The following PWWP3B variants were observed in gnomAD, a reference collection of about 807,000 sequenced individuals.
PWWP3B encodes PWWP domain-containing DNA repair factor 3B.
In PWWP3B, 5 loss-of-function variants were observed where a neutral mutation model predicts 15.7. The ratio of observed to expected loss-of-function variants is 0.32; its 90% CI spans 0.17 to 0.67. The LOEUF is 0.67. Among genes scored for constraint, PWWP3B ranks in the 30% least tolerant of loss-of-function variants. PWWP3B has a pLI of 0.74. For missense variants in PWWP3B, 519 were observed against 493.1 expected (o/e 1.05, Z -0.50); for synonymous variants, 203 against 179.8 (o/e 1.13, Z -1.03).
chrX:106,192,010 G>A (rs1280657607), intron 2 of PWWP3B, among the ~76,000 whole-genome samples: 1 of 111,325 alleles, frequency 9.0e-6, no homozygotes, highest in Non-Finnish European at 1.9e-5. Flanking sequence ...GTCTTTTTTG[G>A]TTGTGTCTCT....
chrX:106,177,957 A>G (rs775289117), intron 2 of PWWP3B, among the ~76,000 whole-genome samples: 4 of 111,862 alleles, frequency 3.6e-5, no homozygotes, highest in African/African-American at 6.6e-5. Context: ...CATTTTTAGA[A>G]TTGTTTCTAT....
rs779378379 is a variant in PWWP3B, at chrX:106,190,414, G to T, written c.-400-13571G>T. On this transcript the variant is annotated intron_variant, in intron 2 of 3. Transcript: ENST00000357175. ...TTGTTTGTTTTTTTCTTGTAAATTT[G>T]TTTGAGTTCATTGTAGATTCTGGAT... Among the ~76,000 whole-genome samples the T allele has an allele frequency of 7.5e-3, 831 of 111,471 alleles. 1 individual carries two copies. Among genetic ancestry groups the T allele is most frequent in the South Asian group, 0.041 (109 of 2,635 alleles).
intron 2 of PWWP3B, among the ~76,000 whole-genome samples, chrX:106,171,626 T>C (rs1021196739): frequency 3.6e-5 from 4 of 111,425 alleles, no homozygotes; most frequent in Admixed American, 2.9e-4. Context: ...TCTGAGAACA[T>C]TATAGAGTGT....
In PWWP3B at chrX:106,205,791, A is replaced by G. The variant is rs1923963993; in HGVS notation, c.359A>G (p.Asn120Ser). 5.0e-6 allele frequency: 6 copies of G among 1,209,621 alleles called. No homozygotes were observed. The highest frequency in any genetic ancestry group is 6.7e-6 in the Non-Finnish European group (6 of 895,109). ...GAGGAGATCACTATGCTGTCTCAAA[A>G]TGTACCACAAAAACAGTCCGATTCA... ...DEEEITMLSQ[N>S]VPQKQSDSPP... The change falls in exon 4 of 4, where the codon AAT (asparagine) becomes AGT (serine). Residue 120 changes from asparagine to serine, a missense_variant. Coordinates refer to ENST00000357175, the MANE Select transcript of PWWP3B (RefSeq NM_001171020.2).
chrX:106,189,436 T>C (rs1922736381), intron 2 of PWWP3B, among the ~76,000 whole-genome samples: 1 of 108,901 alleles, frequency 9.2e-6, no homozygotes, highest in African/African-American at 3.4e-5. Context: ...TGTGTCCATG[T>C]GTTCTCATTG....
rs1376762069 is a variant in PWWP3B, at chrX:106,208,916, G to A, written c.*1393G>A. The A allele has an allele frequency of 5.7e-5, 7 of 122,438 alleles. No homozygotes were observed. The highest frequency in any genetic ancestry group is 2.3e-4 in the African/African-American group (7 of 30,577). The allele number at this position is 122,438 out of a possible 1,213,427, so 10.1% of individuals were successfully genotyped here. A position where few individuals can be genotyped will look rare whatever the true frequency, so the allele number is the denominator to read the frequency against. On this transcript the variant is annotated 3_prime_UTR_variant, in exon 4 of 4. Coordinates refer to ENST00000357175, the MANE Select transcript of PWWP3B (RefSeq NM_001171020.2). ...ACACGTTTATGTAAAGTTTGCAAAA[G>A]TTTGGTGTTTTGATTTATAATAAAA...
At chrX:106,205,117 T>G in intron 3 of PWWP3B, 102 bp from the exon 4 acceptor site, 5 of 181,120 alleles carry the variant, frequency 2.8e-5, no homozygotes, top group Middle Eastern at 2.1e-3. Flanking sequence ...CCACTGCACA[T>G]TGTTCTTTTA....
intron 1 of PWWP3B, among the ~76,000 whole-genome samples, 155 bp downstream of exon 1, chrX:106,168,580 C>T (rs1921454172): frequency 8.9e-6 from 1 of 111,905 alleles, no homozygotes; most frequent in African/African-American, 3.3e-5. Flanking sequence ...CAACATTACA[C>T]CTGTGGAAAA....
At position 106,206,232 on chromosome X, in the gene PWWP3B, C is replaced by G; in HGVS notation, c.800C>G (p.Ala267Gly). The part of the protein sequence containing the change: ...ESEDTCLETL[A>G]VPSECSAFSE... ...GAGGATACCTGCCTAGAGACCCTGGCTGTTCCCTCTGAATGCTCTGCTTTC... is the reference window on the plus strand; with the variant it reads ...GAGGATACCTGCCTAGAGACCCTGGGTGTTCCCTCTGAATGCTCTGCTTTC... Residue 267 changes from alanine to glycine, a missense_variant, in exon 4 of 4, where the codon GCT (alanine) becomes GGT (glycine). Transcript: ENST00000357175. 2 of 1,206,119 alleles carry G rather than the reference C, an allele frequency of 1.7e-6. No individual in the cohort carries two copies. Among genetic ancestry groups the G allele is most frequent in the Non-Finnish European group, 2.2e-6 (2 of 892,376 alleles).
intron 1 of PWWP3B, among the ~76,000 whole-genome samples, chrX:106,169,434 T>C (rs1459384973): frequency 8.9e-6 from 1 of 112,050 alleles, no homozygotes; most frequent in Non-Finnish European, 1.9e-5. Flanking sequence ...TTTTATGTAC[T>C]TTTAGATTCT....
At chrX:106,189,456 C>A (rs942583380) in intron 2 of PWWP3B, among the ~76,000 whole-genome samples, 1 of 109,418 alleles carries the variant, frequency 9.1e-6, no homozygotes, top group South Asian at 4.0e-4. Context: ...GTTCAATTCC[C>A]ACCTATGAGT....
chrX:106,169,960 C>T (rs1051699082), intron 1 of PWWP3B, among the ~76,000 whole-genome samples: 1 of 110,711 alleles, frequency 9.0e-6, no homozygotes, highest in African/African-American at 3.3e-5. Context: ...ATAATACATG[C>T]CACTTTATTA....
intron 2 of PWWP3B, among the ~76,000 whole-genome samples, chrX:106,174,514 C>G (rs781188440): frequency 8.9e-6 from 1 of 111,857 alleles, no homozygotes; most frequent in South Asian, 3.8e-4. Context: ...AAAAATGCAA[C>G]TTTCCCATAC....
At position 106,207,622 on chromosome X, in the gene PWWP3B, G is replaced by T. The variant is rs1398103526; in HGVS notation, c.*99G>T. On this transcript the variant is annotated 3_prime_UTR_variant, in exon 4 of 4. Coordinates refer to ENST00000357175, the MANE Select transcript of PWWP3B (RefSeq NM_001171020.2). ...TCTAATACATATTTTCTGCAAATGG[G>T]AGCATGGATAATGTGTTCACTTTTT... 4 of 837,872 alleles carry T rather than the reference G, an allele frequency of 4.8e-6. No individual in the cohort carries two copies. The highest frequency in any genetic ancestry group is 3.8e-5 in the South Asian group (1 of 26,295). 69.1% of individuals were successfully genotyped at this position (837,872 alleles called of 1,213,427 possible).
At chrX:106,187,883 A>G (rs1450396385) in intron 2 of PWWP3B, among the ~76,000 whole-genome samples, 2 of 112,182 alleles carry the variant, frequency 1.8e-5, no homozygotes, top group Non-Finnish European at 3.8e-5. Flanking sequence ...TATTTATTCT[A>G]TGACCACTCT....
At chrX:106,170,720 A>C (rs1921573315) in intron 1 of PWWP3B, among the ~76,000 whole-genome samples, 1 of 112,069 alleles carries the variant, frequency 8.9e-6, no homozygotes, top group African/African-American at 3.2e-5. Context: ...AATCATAAAA[A>C]ATGCTGCTAC....
intron 2 of PWWP3B, among the ~76,000 whole-genome samples, chrX:106,199,507 G>A (rs956963436): frequency 1.8e-5 from 2 of 111,362 alleles, no homozygotes; most frequent in African/African-American, 6.5e-5. Context: ...AGTGGTTTAG[G>A]GTCACACGTC....
At chrX:106,186,825 CCATTTTACAGAGTGCTGACTGGTT>C (rs919909496) in intron 2 of PWWP3B, among the ~76,000 whole-genome samples, 3 of 111,542 alleles carry the variant, frequency 2.7e-5, no homozygotes, top group African/African-American at 9.8e-5. Flanking sequence ...GCTGATTGGT[CCATTTTACAGAGTGCTGACTGGTT>C]CATTTTACAG....
At chrX:106,196,976 C>T (rs1257589206) in intron 2 of PWWP3B, among the ~76,000 whole-genome samples, 1 of 111,392 alleles carries the variant, frequency 9.0e-6, no homozygotes, top group African/African-American at 3.3e-5. Context: ...GAGAGTCTCT[C>T]TTCTTACTCT....
Sources: allele counts gnomAD v4.1 joint callset (sites outside exome capture counted in the v4.1 genomes callset), GRCh38; gene constraint gnomAD v4.1.1; transcripts MANE v1.5; gene names NCBI Gene and HGNC (gene_info 2026-07-23, HGNC 2026-07-21).